The following GRIA4 variants were observed in gnomAD, a reference collection of about 807,000 sequenced individuals.
GRIA4 encodes glutamate ionotropic receptor AMPA type subunit 4, also known as glutamate receptor 4.
Under a neutral mutation model 104.0 loss-of-function variants are expected in GRIA4, and 34 were observed. The ratio of observed to expected loss-of-function variants is 0.33; its 90% CI spans 0.25 to 0.44. GRIA4 has a LOEUF of 0.44. Among genes scored for constraint, GRIA4 ranks in the 20% least tolerant of loss-of-function variants. GRIA4 has a pLI of 1.00. For missense variants in GRIA4, 750 were observed against 1,096.5 expected, an observed-to-expected ratio of 0.68 and a Z score of 4.46; for synonymous variants, 386 against 381.9, an observed-to-expected ratio of 1.01 and a Z score of -0.13.
At chr11:105,707,542 G>C (rs973488644) in intron 3 of GRIA4, 1 of 152,204 alleles carries the variant, frequency 6.6e-6, no homozygotes, top group African/African-American at 2.4e-5. Context: ...TGTTCTAAGA[G>C]AGAGTTGCGC....
chr11:105,611,078 G>T lies in GRIA4; in HGVS notation c.81G>T (p.Val27=). The T allele has an allele frequency of 6.2e-7, 1 of 1,611,296 alleles. No homozygotes were observed. The highest frequency in any genetic ancestry group is 8.5e-7 in the Non-Finnish European group (1 of 1,177,606). The part of the protein sequence containing the change: ...GLAMGAFPSS[V]QIGGLFIRNT... ...CCATGGGAGCCTTTCCGAGCAGCGT[G>T]CAAATAGGTAAGGTGTGCTCCGATG... The change falls in exon 2 of 17, where the codon GTG becomes GTT. Residue 27 remains valine, a synonymous_variant. Coordinates refer to ENST00000282499, the MANE Select transcript of GRIA4 (RefSeq NM_000829.4).
In GRIA4 at chr11:105,964,763, G is replaced by C. The variant is rs1327866284; in HGVS notation, c.2295-7151G>C. ...AAGCAGGAAAGAAACCAAATGTATG[G>C]GAGGCAGAAGCCCATGACATGTTTT... On this transcript the variant is annotated intron_variant, in intron 14 of 16. Transcript: ENST00000282499. 2.0e-5 allele frequency among the ~76,000 whole-genome samples: 3 copies of C among 151,824 alleles called. No individual in the cohort carries two copies. In the East Asian group the frequency reaches 5.8e-4, roughly 29 times the overall value.
At chr11:105,744,931 C>A (rs1368816722) in intron 3 of GRIA4, among the ~76,000 whole-genome samples, 1 of 152,070 alleles carries the variant, frequency 6.6e-6, no homozygotes, top group Non-Finnish European at 1.5e-5. Context: ...TAACATTTTC[C>A]AGCTGCAGGT....
At chr11:105,751,408 T>C (rs575016849) in intron 3 of GRIA4, among the ~76,000 whole-genome samples, 2 of 152,290 alleles carry the variant, frequency 1.3e-5, no homozygotes, top group South Asian at 4.1e-4. Flanking sequence ...ACTTAAGTTA[T>C]AAGAATTGAA....
At chr11:105,868,623 T>A (rs1211656439) in intron 5 of GRIA4, among the ~76,000 whole-genome samples, 2 of 152,130 alleles carry the variant, frequency 1.3e-5, no homozygotes, top group Non-Finnish European at 2.9e-5. Flanking sequence ...ATTTCACCTG[T>A]CCAAGATTAT....
chr11:105,878,941 A>C (rs542310872), intron 5 of GRIA4, among the ~76,000 whole-genome samples: 1 of 152,270 alleles, frequency 6.6e-6, no homozygotes, highest in South Asian at 2.1e-4. Context: ...CTGGGGTATG[A>C]AAAAAACTCC....
intron 14 of GRIA4, among the ~76,000 whole-genome samples, chr11:105,951,478 G>A (rs1038149559): frequency 1.3e-5 from 2 of 152,210 alleles, no homozygotes; most frequent in Admixed American, 1.3e-4. Flanking sequence ...GCTTTCATAT[G>A]TATAATTTGA....
chr11:105,757,414 C>A (rs1380208322), intron 4 of GRIA4, among the ~76,000 whole-genome samples: 1 of 151,868 alleles, frequency 6.6e-6, no homozygotes, highest in Non-Finnish European at 1.5e-5. Flanking sequence ...GGGCACCGAG[C>A]AAATAATAAT....
chr11:105,621,782 A>G (rs1211656237), intron 3 of GRIA4, among the ~76,000 whole-genome samples: 1 of 151,844 alleles, frequency 6.6e-6, no homozygotes, highest in Non-Finnish European at 1.5e-5. Context: ...ATATTATCAT[A>G]TATTTTCAAA....
chr11:105,739,933 A>G (rs1939204477), intron 3 of GRIA4, among the ~76,000 whole-genome samples: 1 of 152,240 alleles, frequency 6.6e-6, no homozygotes, highest in Non-Finnish European at 1.5e-5. Context: ...GGACAGTCCA[A>G]GAGGCTGAGC....
At chr11:105,875,274 G>A (rs756985472) in intron 5 of GRIA4, among the ~76,000 whole-genome samples, 12 of 152,266 alleles carry the variant, frequency 7.9e-5, no homozygotes, top group Non-Finnish European at 1.6e-4. Flanking sequence ...CGACTTGATC[G>A]TGGTAGATAA....
chr11:105,722,274 A>G (rs769055268), intron 3 of GRIA4, among the ~76,000 whole-genome samples: 93 of 152,202 alleles, frequency 6.1e-4, no homozygotes, highest in African/African-American at 2.2e-3. Context: ...TCAACTTATG[A>G]TGTTTGTGAA....
chr11:105,709,158 G>T (rs1953818363), intron 3 of GRIA4, among the ~76,000 whole-genome samples: 1 of 152,056 alleles, frequency 6.6e-6, no homozygotes, highest in Non-Finnish European at 1.5e-5. Context: ...AAGGATTCAG[G>T]AGCTACAAAT....
At chr11:105,762,781 C>T (rs940880325) in intron 4 of GRIA4, among the ~76,000 whole-genome samples, 1 of 152,180 alleles carries the variant, frequency 6.6e-6, no homozygotes, top group Non-Finnish European at 1.5e-5. Flanking sequence ...CCTTGCTCTT[C>T]TGCCATGATT....
At chr11:105,784,181 G>A (rs1224690163) in intron 4 of GRIA4, among the ~76,000 whole-genome samples, 1 of 152,136 alleles carries the variant, frequency 6.6e-6, no homozygotes, top group Non-Finnish European at 1.5e-5. Flanking sequence ...TACCAACACT[G>A]TGAAGGTTAT....
chr11:105,840,492 T>G (rs1944352173), intron 4 of GRIA4, among the ~76,000 whole-genome samples: 1 of 152,324 alleles, frequency 6.6e-6, no homozygotes, highest in East Asian at 1.9e-4. Flanking sequence ...GAACACGAAC[T>G]GACTTATTTT....
chr11:105,928,807 G>A (rs1947792557), intron 13 of GRIA4, among the ~76,000 whole-genome samples: 1 of 151,998 alleles, frequency 6.6e-6, no homozygotes, highest in African/African-American at 2.4e-5. Context: ...CACTGAAAAT[G>A]TGTATATCTA....
chr11:105,721,573 C>A (rs984908408), intron 3 of GRIA4, among the ~76,000 whole-genome samples: 1 of 152,140 alleles, frequency 6.6e-6, no homozygotes, highest in South Asian at 2.1e-4. Flanking sequence ...ATTAATAGTG[C>A]AAAGCACTGT....
intron 7 of GRIA4, among the ~76,000 whole-genome samples, chr11:105,901,586 A>G (rs899023089): frequency 5.3e-5 from 8 of 152,186 alleles, no homozygotes; most frequent in South Asian, 2.1e-4. Flanking sequence ...AAAGAATTAT[A>G]TCTTTTGAAA....
Sources: gnomAD v4.1 joint callset for allele counts (sites outside exome capture counted in the v4.1 genomes callset) on GRCh38, gnomAD v4.1.1 for gene constraint, MANE v1.5 for transcripts, NCBI Gene and HGNC (gene_info 2026-07-23, HGNC 2026-07-21) for gene names.